The following COLGALT2 variants were observed in gnomAD, a reference collection of about 807,000 sequenced individuals.
COLGALT2 encodes the protein procollagen galactosyltransferase 2.
Under a neutral mutation model 73.4 loss-of-function variants are expected in COLGALT2, and 49 were observed. That is an observed-to-expected ratio of 0.67 (90% CI 0.53 to 0.85). The LOEUF is 0.85. COLGALT2 is among the 40% of genes least tolerant of loss of function. The pLI is 0.00. For synonymous variants in COLGALT2, 295 were observed against 307.6 expected, an observed-to-expected ratio of 0.96 and a Z score of 0.43; for missense variants, 722 against 790.2, an observed-to-expected ratio of 0.91 and a Z score of 1.03.
chr1:183,930,097 C>T, exon 12 of COLGALT2: 1 of 406,432 alleles, frequency 2.5e-6, no homozygotes, highest in Non-Finnish European at 4.9e-6. Flanking sequence ...GTTCACAGCC[C>T]ATCAACCAGT....
intron 1 of COLGALT2, among the ~76,000 whole-genome samples, chr1:184,010,973 A>G (rs1313282429): frequency 6.6e-6 from 1 of 152,118 alleles, no homozygotes; most frequent in African/African-American, 2.4e-5. Flanking sequence ...GCCAGTGGGG[A>G]GGAAGGCCTG....
At chr1:184,006,681 A>C (rs937244223) in intron 1 of COLGALT2, among the ~76,000 whole-genome samples, 1 of 152,116 alleles carries the variant, frequency 6.6e-6, no homozygotes, top group African/African-American at 2.4e-5. Flanking sequence ...TTTATATTAA[A>C]CTACCCTTCA....
chr1:183,958,387 A>C (rs1320816573), intron 6 of COLGALT2, among the ~76,000 whole-genome samples: 1 of 152,080 alleles, frequency 6.6e-6, no homozygotes, highest in African/African-American at 2.4e-5. Flanking sequence ...AAACATACAC[A>C]ATTGTGTTGA....
intron 4 of COLGALT2, among the ~76,000 whole-genome samples, chr1:183,972,909 C>T (rs1037700382): frequency 2.6e-5 from 4 of 152,224 alleles, no homozygotes; most frequent in Admixed American, 2.6e-4. Flanking sequence ...CCATGTTAGC[C>T]AGGATGGTCT....
intron 6 of COLGALT2, 22 bp from the exon 7 acceptor site, chr1:183,954,860 C>T (rs1355756722): frequency 2.5e-6 from 4 of 1,578,366 alleles, no homozygotes; most frequent in African/African-American, 1.3e-5. Context: ...AAGAAACATG[C>T]AGAGTGCTTT....
At chr1:184,024,460 C>A (rs1219049047) in intron 1 of COLGALT2, among the ~76,000 whole-genome samples, 1 of 151,190 alleles carries the variant, frequency 6.6e-6, no homozygotes, top group Non-Finnish European at 1.5e-5. Context: ...TCAAGTGATT[C>A]TCCTGCCTCA....
At chr1:184,001,706 C>T (rs1671931914) in intron 1 of COLGALT2, among the ~76,000 whole-genome samples, 1 of 152,312 alleles carries the variant, frequency 6.6e-6, no homozygotes, top group Admixed American at 6.5e-5. Context: ...ACATTCGTGT[C>T]ACACCAAGTT....
intron 5 of COLGALT2, among the ~76,000 whole-genome samples, chr1:183,966,336 T>C (rs985193258): frequency 5.9e-5 from 9 of 152,190 alleles, no homozygotes; most frequent in African/African-American, 2.2e-4. Context: ...TGAAGGACTG[T>C]TTTTCTTTTA....
intron 1 of COLGALT2, among the ~76,000 whole-genome samples, chr1:184,034,454 A>G (rs1413840857): frequency 6.6e-6 from 1 of 152,196 alleles, no homozygotes; most frequent in Non-Finnish European, 1.5e-5. Context: ...TTTATAAATC[A>G]TTTGGTTCTT....
intron 1 of COLGALT2, among the ~76,000 whole-genome samples, chr1:184,003,848 G>A (rs747546160): frequency 2.0e-5 from 3 of 152,058 alleles, no homozygotes; most frequent in Admixed American, 6.5e-5. Flanking sequence ...CAGGTCTGCC[G>A]GCTTCCACTA....
At chr1:183,987,566 CT>C (rs2102827248) in intron 1 of COLGALT2, among the ~76,000 whole-genome samples, 1 of 152,338 alleles carries the variant, frequency 6.6e-6, no homozygotes, top group East Asian at 1.9e-4. Flanking sequence ...CTATTTCTTT[CT>C]TCATTACTTG....
intron 1 of COLGALT2, among the ~76,000 whole-genome samples, chr1:184,019,860 G>C (rs1649120454): frequency 6.6e-6 from 1 of 152,148 alleles, no homozygotes; most frequent in Non-Finnish European, 1.5e-5. Flanking sequence ...GCATATGTTT[G>C]CTCCATGCCT....
At chr1:183,987,332 T>C (rs886846798) in intron 1 of COLGALT2, among the ~76,000 whole-genome samples, 7 of 152,346 alleles carry the variant, frequency 4.6e-5, no homozygotes, top group African/African-American at 1.7e-4. Flanking sequence ...TTAAGTTCTT[T>C]ATTTTGTGGA....
chr1:183,968,850 C>G (rs1013259372), intron 5 of COLGALT2, among the ~76,000 whole-genome samples: 1 of 152,222 alleles, frequency 6.6e-6, no homozygotes, highest in African/African-American at 2.4e-5. Flanking sequence ...GCCACTACAG[C>G]AGCTCAGACT....
chr1:183,963,717 C>A (rs761749929), intron 6 of COLGALT2, among the ~76,000 whole-genome samples, 184 bp downstream of exon 6: 1 of 152,178 alleles, frequency 6.6e-6, no homozygotes, highest in Non-Finnish European at 1.5e-5. Context: ...ATGGCAAAGA[C>A]CTTGTCATAT....
At chr1:183,940,942 G>A (rs538571355) in intron 10 of COLGALT2, among the ~76,000 whole-genome samples, 155 bp from the exon 11 acceptor site, 18 of 152,162 alleles carry the variant, frequency 1.2e-4, no homozygotes, top group South Asian at 2.1e-4. Context: ...GGATCCAATC[G>A]CCAGTCAGGA....
At chr1:183,981,758 A>AAG in intron 1 of COLGALT2, among the ~76,000 whole-genome samples, 1 of 152,210 alleles carries the variant, frequency 6.6e-6, no homozygotes, top group Non-Finnish European at 1.5e-5. Flanking sequence ...ATATATTCAA[A>AAG]AAATTTTTTT....
chr1:183,949,638 T>G (rs760788134), intron 8 of COLGALT2, among the ~76,000 whole-genome samples: 7 of 152,140 alleles, frequency 4.6e-5, no homozygotes, highest in Non-Finnish European at 8.8e-5. Context: ...AGAAGAAAAT[T>G]TCATGAAGTA....
intron 1 of COLGALT2, among the ~76,000 whole-genome samples, chr1:184,010,811 G>A (rs1192653081): frequency 6.6e-6 from 1 of 152,208 alleles, no homozygotes; most frequent in African/African-American, 2.4e-5. Flanking sequence ...TGCTCCAAAA[G>A]TACTGGCCAC....
Sources: allele counts gnomAD v4.1 joint callset (sites outside exome capture counted in the v4.1 genomes callset), GRCh38; gene constraint gnomAD v4.1.1; transcripts MANE v1.5; gene names NCBI Gene and HGNC (gene_info 2026-07-23, HGNC 2026-07-21).